The following UBE3D variants were observed in gnomAD, a reference collection of about 807,000 sequenced individuals.
UBE3D encodes the protein ubiquitin protein ligase E3D, also known as E3 ubiquitin-protein ligase E3D.
A neutral mutation model predicts 49.6 loss-of-function variants in UBE3D; 48 were observed. The ratio of observed to expected loss-of-function variants is 0.97; its 90% CI spans 0.77 to 1.23. The LOEUF (loss-of-function observed/expected upper bound fraction) is 1.23. Ranked by LOEUF, UBE3D falls within the 50% of genes most tolerant of loss-of-function variation. The probability of loss-of-function intolerance (pLI) is 0.00; values close to 1 mark genes in which losing one functional copy is unlikely to be tolerated. For missense variants in UBE3D, 452 were observed against 468.4 expected (o/e 0.96, Z 0.32); for synonymous variants, 189 against 174.2 (o/e 1.08, Z -0.67).
intron 8 of UBE3D, among the ~76,000 whole-genome samples, chr6:83,009,959 T>C (rs1780230530): frequency 6.6e-6 from 1 of 151,670 alleles, no homozygotes; most frequent in Admixed American, 6.6e-5. Flanking sequence ...CCATGATGCA[T>C]GAGAGTAGAC....
At chr6:83,040,095 A>G (rs1782553586) in intron 4 of UBE3D, among the ~76,000 whole-genome samples, 2 of 152,062 alleles carry the variant, frequency 1.3e-5, no homozygotes, top group South Asian at 4.1e-4. Flanking sequence ...GTAAAAAAAT[A>G]TATTCAATGC....
chr6:82,965,728 T>C lies in UBE3D; in HGVS notation c.1011-8278A>G, dbSNP rs572629882. On this transcript the variant is annotated intron_variant, in intron 8 of 9. Transcript: ENST00000369747. ...AGAGGCCAGCTACTTCTTCAGATTTTAAAGAACTTTTCATTATGGAAAATT... is the reference window on the plus strand; with the variant it reads ...AGAGGCCAGCTACTTCTTCAGATTTCAAAGAACTTTTCATTATGGAAAATT... Among the ~76,000 whole-genome samples the C allele has an allele frequency of 1.3e-5, 2 of 152,242 alleles. 1 individual carries two copies. Among genetic ancestry groups the C allele is most frequent in the African/African-American group, 4.8e-5 (2 of 41,548 alleles).
chr6:82,952,721 G>C (rs1562116234), intron 9 of UBE3D, among the ~76,000 whole-genome samples: 1 of 152,148 alleles, frequency 6.6e-6, no homozygotes, highest in Non-Finnish European at 1.5e-5. Flanking sequence ...CTTTGGAGCA[G>C]AGAAATGCTA....
intron 4 of UBE3D, among the ~76,000 whole-genome samples, chr6:83,041,587 C>T (rs1165276421): frequency 1.3e-5 from 2 of 152,056 alleles, no homozygotes; most frequent in Non-Finnish European, 2.9e-5. Flanking sequence ...AAAAAAAGAG[C>T]AGATGAAGCA....
chr6:82,973,644 T>G (rs543620193), intron 8 of UBE3D, among the ~76,000 whole-genome samples: 5 of 152,166 alleles, frequency 3.3e-5, no homozygotes, highest in Admixed American at 1.3e-4. Flanking sequence ...CACATTCTGT[T>G]CATTTTGAAG....
downstream of UBE3D, among the ~76,000 whole-genome samples, chr6:82,892,014 C>CAA (rs34108279): frequency 2.0e-5 from 3 of 147,500 alleles, no homozygotes; most frequent in Non-Finnish European, 3.0e-5. Flanking sequence ...AATTCCATCT[C>CAA]AAAAAAAAAA....
At chr6:83,000,054 C>T (rs1018245587) in intron 8 of UBE3D, among the ~76,000 whole-genome samples, 1 of 152,186 alleles carries the variant, frequency 6.6e-6, no homozygotes, top group African/African-American at 2.4e-5. Context: ...TCCTGTCTCA[C>T]CACTCCTCTA....
intron 8 of UBE3D, chr6:83,017,396 C>T (rs1246269059): frequency 6.6e-6 from 1 of 151,870 alleles, no homozygotes; most frequent in Non-Finnish European, 1.5e-5. Flanking sequence ...AAGATACACA[C>T]AAACACATAC....
intron 2 of UBE3D, among the ~76,000 whole-genome samples, chr6:83,057,010 T>C (rs565960475): frequency 3.9e-5 from 6 of 152,226 alleles, no homozygotes; most frequent in Non-Finnish European, 8.8e-5. Flanking sequence ...CCCTGAGGTC[T>C]TAGAAAAAGC....
intron 9 of UBE3D, among the ~76,000 whole-genome samples, chr6:82,899,778 G>A (rs1270119475): frequency 1.3e-5 from 2 of 152,180 alleles, no homozygotes; most frequent in African/African-American, 2.4e-5. Context: ...GTTGGCATTG[G>A]ATGGTGCTAT....
chr6:83,065,381 T>C (rs1784424615), intron 1 of UBE3D, among the ~76,000 whole-genome samples: 1 of 152,156 alleles, frequency 6.6e-6, no homozygotes, highest in South Asian at 2.1e-4. Flanking sequence ...TGTTAAAATA[T>C]AAGTTTTGAT....
intron 8 of UBE3D, among the ~76,000 whole-genome samples, chr6:82,968,710 C>T (rs991808409): frequency 6.6e-6 from 1 of 152,104 alleles, no homozygotes; most frequent in African/African-American, 2.4e-5. Flanking sequence ...AGTGAACTAA[C>T]AGTTGGGGTT....
chr6:83,053,196 G>A (rs1313400746), intron 3 of UBE3D, among the ~76,000 whole-genome samples: 6 of 4,158 alleles, frequency 1.4e-3, no homozygotes, highest in Non-Finnish European at 2.9e-3. Context: ...CAAGACAGCC[G>A]AAGGCTTGGA....
At chr6:82,911,950 C>A (rs1772558354) in intron 9 of UBE3D, among the ~76,000 whole-genome samples, 1 of 152,192 alleles carries the variant, frequency 6.6e-6, no homozygotes, top group Non-Finnish European at 1.5e-5. Context: ...CATTTGGATT[C>A]ACAGGCTGAC....
intron 8 of UBE3D, among the ~76,000 whole-genome samples, chr6:83,003,451 T>G (rs1779767300): frequency 6.6e-6 from 1 of 152,226 alleles, no homozygotes; most frequent in African/African-American, 2.4e-5. Context: ...TTATGATTAC[T>G]ACTGGATTCA....
chr6:82,958,700 T>A (rs1345818376), intron 8 of UBE3D, among the ~76,000 whole-genome samples: 2 of 152,150 alleles, frequency 1.3e-5, no homozygotes, highest in African/African-American at 4.8e-5. Flanking sequence ...ATAGATCACC[T>A]CCAACCCCCT....
intron 8 of UBE3D, 147 bp downstream of exon 8, chr6:83,018,825 TA>T: frequency 7.2e-6 from 6 of 831,962 alleles, no homozygotes; most frequent in Non-Finnish European, 1.1e-5. Flanking sequence ...CAACCTATTT[TA>T]AACATATAAT....
At chr6:82,995,704 T>C (rs1779194128) in intron 8 of UBE3D, among the ~76,000 whole-genome samples, 1 of 152,018 alleles carries the variant, frequency 6.6e-6, no homozygotes, top group African/African-American at 2.4e-5. Flanking sequence ...GTAACAGGTA[T>C]GAGGAGAAAA....
At chr6:83,048,237 G>C (rs1414479682) in intron 3 of UBE3D, among the ~76,000 whole-genome samples, 1 of 152,122 alleles carries the variant, frequency 6.6e-6, no homozygotes. Flanking sequence ...ACTGTGTGGG[G>C]TGTTCCAGGC....
Sources: allele counts gnomAD v4.1 joint callset (sites outside exome capture counted in the v4.1 genomes callset), GRCh38; gene constraint gnomAD v4.1.1; transcripts MANE v1.5; gene names NCBI Gene and HGNC (gene_info 2026-07-23, HGNC 2026-07-21).